MAPRE3: variants seen among roughly 807,000 people sequenced by gnomAD.
MAPRE3 encodes the protein microtubule-associated protein RP/EB family member 3.
Under a neutral mutation model 30.5 loss-of-function variants are expected in MAPRE3, and 2 were observed. The observed-to-expected ratio is 0.07, with a 90% CI of 0.03 to 0.21. MAPRE3 has a LOEUF of 0.21. Ranked by LOEUF, MAPRE3 falls within the 10% of genes least tolerant of loss-of-function variation. The pLI is 1.00. For synonymous variants in MAPRE3, 110 were observed against 127.7 expected, an observed-to-expected ratio of 0.86 and a Z score of 0.93; for missense variants, 204 against 351.8, an observed-to-expected ratio of 0.58 and a Z score of 3.36.
chr2:27,019,944 C>G (rs532241777), intron 1 of MAPRE3, among the ~76,000 whole-genome samples: 1 of 152,344 alleles, frequency 6.6e-6, no homozygotes, highest in South Asian at 2.1e-4. Context: ...CAGTACTACT[C>G]AAACAGGACT....
intron 1 of MAPRE3, among the ~76,000 whole-genome samples, chr2:26,992,789 C>T (rs903765660): frequency 2.0e-5 from 3 of 152,186 alleles, no homozygotes; most frequent in African/African-American, 7.2e-5. Flanking sequence ...GCATCTTACT[C>T]ATTGATATCC....
At chr2:26,982,628 A>G (rs183562308) in intron 1 of MAPRE3, among the ~76,000 whole-genome samples, 91 of 152,238 alleles carry the variant, frequency 6.0e-4, no homozygotes, top group Non-Finnish European at 1.0e-4. Flanking sequence ...GCCTCCTGCC[A>G]CTGTTCTTTT....
Position 27,015,332 on chromosome 2 carries a change from C to T in MAPRE3, c.-7-6880C>T, listed in dbSNP as rs182414395. 5.9e-5 allele frequency among the ~76,000 whole-genome samples: 9 copies of T among 152,348 alleles called. No individual in the cohort carries two copies. The highest frequency in any genetic ancestry group is 4.6e-4 in the Admixed American group (7 of 15,310). On this transcript the variant is annotated intron_variant, in intron 1 of 6. Coordinates refer to ENST00000233121, the MANE Select transcript of MAPRE3 (RefSeq NM_012326.4). The surrounding 1 kb of genome is among the most constrained non-coding windows in gnomAD (Gnocchi z 4.0). ...AACTGTTCTGTGAGGTGGGAGCTGT[C>T]ACTGTCCTCACTTTATAGATGAGGA...
At chr2:27,004,533 C>T (rs189691752) in intron 1 of MAPRE3, among the ~76,000 whole-genome samples, 22 of 152,152 alleles carry the variant, frequency 1.4e-4, no homozygotes, top group East Asian at 7.7e-4. Flanking sequence ...ACTTTTTCCA[C>T]GTCGAAATAC....
At chr2:27,003,368 T>C (rs1295435789) in intron 1 of MAPRE3, among the ~76,000 whole-genome samples, 1 of 151,820 alleles carries the variant, frequency 6.6e-6, no homozygotes, top group African/African-American at 2.4e-5. Flanking sequence ...TCACTACCCC[T>C]CTAAAATCAG....
At chr2:26,987,594 C>T (rs769807686) in intron 1 of MAPRE3, among the ~76,000 whole-genome samples, 9 of 152,006 alleles carry the variant, frequency 5.9e-5, no homozygotes, top group Admixed American at 2.0e-4. Context: ...GCCGAGATCG[C>T]GCCATTGCAC....
At chr2:26,972,508 G>T (rs541929457) in intron 1 of MAPRE3, among the ~76,000 whole-genome samples, 1 of 152,198 alleles carries the variant, frequency 6.6e-6, no homozygotes, top group East Asian at 1.9e-4. Context: ...TCGAATGCCA[G>T]ACTGGGGTTT....
chr2:26,987,259 G>A (rs138246620), intron 1 of MAPRE3, among the ~76,000 whole-genome samples: 8 of 152,338 alleles, frequency 5.3e-5, no homozygotes, highest in Admixed American at 1.3e-4. Context: ...AAGACATGCT[G>A]AGTTCAAAGA....
At chr2:27,014,711 G>C (rs1666942925) in intron 1 of MAPRE3, 1 of 152,376 alleles carries the variant, frequency 6.6e-6, no homozygotes, top group South Asian at 2.1e-4. Context: ...TGACCCGCTG[G>C]CTTGCTCCCC....
chr2:26,993,199 T>C (rs900779876), intron 1 of MAPRE3, among the ~76,000 whole-genome samples: 4 of 151,970 alleles, frequency 2.6e-5, no homozygotes, highest in African/African-American at 9.7e-5. Context: ...TGAAACCCCA[T>C]CTCTACTAAA....
At position 27,016,060 on chromosome 2, in the gene MAPRE3, T is replaced by G. The variant is rs74334123; in HGVS notation, c.-7-6152T>G. On this transcript the variant is annotated intron_variant, in intron 1 of 6. Transcript: ENST00000233121. Reference sequence around the variant, plus strand: ...AGATTAAACCTCCTCAACTTTTCTTTCCCTTGGCTCCATTCCTGATAGCAG... The same window carrying G: ...AGATTAAACCTCCTCAACTTTTCTTGCCCTTGGCTCCATTCCTGATAGCAG... Among the ~76,000 whole-genome samples, 232 of 152,318 alleles carry G rather than the reference T, an allele frequency of 1.5e-3. 1 individual carries two copies. The highest frequency in any genetic ancestry group is 5.3e-3 in the African/African-American group (219 of 41,566).
chr2:27,003,465 G>C (rs1429845572), intron 1 of MAPRE3, among the ~76,000 whole-genome samples: 1 of 152,130 alleles, frequency 6.6e-6, no homozygotes, highest in Non-Finnish European at 1.5e-5. Context: ...CTGATCTCTT[G>C]AGAGGTGACA....
chr2:27,014,495 C>G (rs1558384126), intron 1 of MAPRE3: 1 of 152,312 alleles, frequency 6.6e-6, no homozygotes, highest in Non-Finnish European at 1.5e-5. Flanking sequence ...GAGTTTCAGT[C>G]CCTACCTGAA....
At chr2:26,984,399 CAT>C (rs1457096378) in intron 1 of MAPRE3, among the ~76,000 whole-genome samples, 1 of 152,176 alleles carries the variant, frequency 6.6e-6, no homozygotes. Flanking sequence ...CACATACTAA[CAT>C]ATTATTTTTT....
At chr2:27,023,598 T>G (rs1180247035) in intron 3 of MAPRE3, 121 bp downstream of exon 3, 14 of 1,182,872 alleles carry the variant, frequency 1.2e-5, no homozygotes, top group Middle Eastern at 1.9e-4. Flanking sequence ...TCCCTCCACC[T>G]CCCGACTCTC....
chr2:27,007,481 A>G (rs781166795), intron 1 of MAPRE3, among the ~76,000 whole-genome samples: 17 of 152,248 alleles, frequency 1.1e-4, no homozygotes, highest in Non-Finnish European at 1.8e-4. Context: ...TATGTTCTGC[A>G]TAACGAACTT....
intron 1 of MAPRE3, 91 bp from the exon 2 acceptor site, chr2:27,022,121 A>T: frequency 6.9e-7 from 1 of 1,441,470 alleles, no homozygotes; most frequent in Non-Finnish European, 9.4e-7. Context: ...AATGTTTCTT[A>T]CTTCCCAGTA....
At chr2:27,025,472 G>C in intron 4 of MAPRE3, 111 bp from the exon 5 acceptor site, 1 of 1,123,806 alleles carries the variant, frequency 8.9e-7, no homozygotes, top group East Asian at 2.5e-5. Context: ...AGGGGGGTGA[G>C]AGTGCCTGCC....
rs201704377 is a variant in MAPRE3 at position 27,025,752 on chromosome 2, T to G, written c.624+15T>G. On this transcript the variant is annotated intron_variant, in intron 5 of 6. Transcript: ENST00000233121. Reference sequence around the variant, plus strand: ...TCAACCAACAGGTGAGTGGGATGGGTAAGGGTAGCTGAGATAGCCCTGTCA... The same window carrying G: ...TCAACCAACAGGTGAGTGGGATGGGGAAGGGTAGCTGAGATAGCCCTGTCA... 233 of 1,613,736 alleles carry G rather than the reference T, an allele frequency of 1.4e-4. No individual in the cohort carries two copies. The highest frequency in any genetic ancestry group is 1.3e-4 in the Non-Finnish European group (151 of 1,179,964).
Sources: gnomAD v4.1 joint callset for allele counts (sites outside exome capture counted in the v4.1 genomes callset) on GRCh38, gnomAD v4.1.1 for gene constraint, Gnocchi (gnomAD v3.1) non-coding constraint, MANE v1.5 for transcripts, NCBI Gene and HGNC (gene_info 2026-07-23, HGNC 2026-07-21) for gene names.